UACA: variants seen among roughly 807,000 people sequenced by gnomAD.
The protein encoded by UACA is nuclear membrane binding protein.
UACA carries 112 observed loss-of-function variants against 160.5 expected under a neutral mutation model. The observed-to-expected ratio is 0.70, with a 90% confidence interval of 0.60 to 0.82. The LOEUF (loss-of-function observed/expected upper bound fraction) is 0.82. UACA is among the 40% of genes least tolerant of loss of function. UACA has a pLI of 0.00. For missense variants in UACA, 1,574 were observed against 1,614.6 expected, an observed-to-expected ratio of 0.97 and a Z score of 0.43; for synonymous variants, 557 against 568.4, an observed-to-expected ratio of 0.98 and a Z score of 0.29.
At chr15:70,669,653 T>C (rs894004146) in intron 15 of UACA, among the ~76,000 whole-genome samples, 191 bp from the exon 16 acceptor site, 2 of 152,194 alleles carry the variant, frequency 1.3e-5, no homozygotes, top group African/African-American at 4.8e-5. Flanking sequence ...ATGATTTCCT[T>C]AATACATTCA....
chr15:70,719,620 A>C (rs1031020544), intron 1 of UACA, among the ~76,000 whole-genome samples: 1 of 152,216 alleles, frequency 6.6e-6, no homozygotes, highest in African/African-American at 2.4e-5. Flanking sequence ...ATTCTTCTAG[A>C]TTACCTTTGG....
chr15:70,716,509 C>T (rs1325996355), intron 1 of UACA, among the ~76,000 whole-genome samples: 2 of 152,186 alleles, frequency 1.3e-5, no homozygotes, highest in Admixed American at 6.5e-5. Context: ...AGCCTAGATT[C>T]TCTCCACTAA....
At chr15:70,660,006 G>T (rs1400694772) in intron 18 of UACA, 145 bp downstream of exon 18, 2 of 649,262 alleles carry the variant, frequency 3.1e-6, no homozygotes, top group African/African-American at 1.9e-5. Flanking sequence ...CACAAACAAT[G>T]ATTAAAAGAA....
intron 3 of UACA, among the ~76,000 whole-genome samples, chr15:70,693,258 T>C (rs780180233): frequency 6.6e-6 from 1 of 152,110 alleles, no homozygotes; most frequent in Non-Finnish European, 1.5e-5. Context: ...ATCTAGCCAC[T>C]TGAGATACGG....
At chr15:70,662,873 A>C (rs538622717) in intron 17 of UACA, among the ~76,000 whole-genome samples, 20 of 152,222 alleles carry the variant, frequency 1.3e-4, no homozygotes, top group African/African-American at 4.3e-4. Context: ...AAGATGGATT[A>C]AAGACTTAAA....
rs1260089275 is a variant in UACA at position 70,668,934 on chromosome 15, G to C, written c.1750C>G (p.Leu584Val). ...TGTAATCGCTTATTTTCTTCTATCA[G>C]CTTGCCTTCATCCCTCTTAAACTCT... ...VEEFKRDEGK[L>V]IEENKRLQKE... Residue 584 changes from leucine (L) to valine (V), a missense_variant, in exon 16 of 19, where the codon CTG becomes GTG. Transcript: ENST00000322954. 1.9e-6 allele frequency: 3 copies of C among 1,613,402 alleles called. No individual in the cohort carries two copies. In the African/African-American group the frequency reaches 4.0e-5, roughly 22 times the overall value.
At chr15:70,753,626 C>T (rs769624028) in intron 1 of UACA, among the ~76,000 whole-genome samples, 1 of 152,058 alleles carries the variant, frequency 6.6e-6, no homozygotes, top group African/African-American at 2.4e-5. Context: ...CTTAGGGTTG[C>T]GGTGAGGATT....
chr15:70,748,053 G>A (rs936833571), intron 1 of UACA, among the ~76,000 whole-genome samples: 5 of 151,984 alleles, frequency 3.3e-5, no homozygotes, highest in African/African-American at 1.2e-4. Context: ...CTAGTGCCTG[G>A]CATAGTACTG....
chr15:70,719,584 C>A (rs541163973), intron 1 of UACA, among the ~76,000 whole-genome samples: 1 of 152,300 alleles, frequency 6.6e-6, no homozygotes, highest in African/African-American at 2.4e-5. Context: ...ACCAAAACAT[C>A]ATTCTGTTTG....
intron 1 of UACA, chr15:70,702,202 T>C: frequency 8.7e-7 from 1 of 1,146,862 alleles, no homozygotes; most frequent in Non-Finnish European, 1.1e-6. Flanking sequence ...CTTTGGAAGC[T>C]AGCTATCTTT....
chr15:70,703,925 C>T (rs547393692), intron 1 of UACA, among the ~76,000 whole-genome samples: 1 of 152,254 alleles, frequency 6.6e-6, no homozygotes, highest in Non-Finnish European at 1.5e-5. Flanking sequence ...TCAGAGAGGG[C>T]TTCTCAGACC....
At chr15:70,703,148 G>A (rs998688624) in intron 1 of UACA, 8 of 1,289,024 alleles carry the variant, frequency 6.2e-6, no homozygotes, top group Admixed American at 4.6e-5. Flanking sequence ...TACCAAGGCC[G>A]GTGCAAATTC....
upstream of UACA, among the ~76,000 whole-genome samples, chr15:70,765,099 C>G (rs774459207): frequency 1.6e-4 from 25 of 152,224 alleles, 1 homozygote; most frequent in Middle Eastern, 3.2e-3. Flanking sequence ...ACCCTGTTCT[C>G]TAGCCAACAC....
At chr15:70,752,421 C>T (rs1029375672) in intron 1 of UACA, among the ~76,000 whole-genome samples, 4 of 151,980 alleles carry the variant, frequency 2.6e-5, no homozygotes, top group Admixed American at 6.6e-5. Flanking sequence ...CCTGCTAATG[C>T]GAAAACCATA....
rs200972560 is a variant in UACA at position 70,743,677 on chromosome 15, G to A, written c.78+19653C>T. 1.2e-4 allele frequency among the ~76,000 whole-genome samples: 18 copies of A among 152,208 alleles called. No homozygotes were observed. In the East Asian group the frequency reaches 2.9e-3, roughly 24 times the overall value. On this transcript the variant is annotated intron_variant, in intron 1 of 18. Coordinates refer to ENST00000322954, the MANE Select transcript of UACA (RefSeq NM_018003.4). ...TCTTTTCCTAGTTTAAAATAAAAAG[G>A]ACATGTTTTAACAAAATTGTCATTT... is the stretch of plus-strand genomic sequence containing the variant.
intron 1 of UACA, among the ~76,000 whole-genome samples, chr15:70,699,965 A>C (rs2140967186): frequency 6.6e-6 from 1 of 152,210 alleles, no homozygotes; most frequent in East Asian, 1.9e-4. Flanking sequence ...ATAACTACTG[A>C]ACACCTACCC....
At chr15:70,679,828 T>C (rs1897431417) in intron 9 of UACA, 152 bp from the exon 10 acceptor site, 1 of 432,266 alleles carries the variant, frequency 2.3e-6, no homozygotes, top group Non-Finnish European at 4.1e-6. Flanking sequence ...TATTTAAAAC[T>C]CCAAAATGGA....
chr15:70,702,159 A>T, intron 1 of UACA: 3 of 1,269,630 alleles, frequency 2.4e-6, no homozygotes, highest in Non-Finnish European at 3.0e-6. Flanking sequence ...AGCAGCCCCA[A>T]GTCAGGTACA....
At chr15:70,737,318 G>T (rs1457989261) in intron 1 of UACA, among the ~76,000 whole-genome samples, 1 of 152,188 alleles carries the variant, frequency 6.6e-6, no homozygotes, top group East Asian at 1.9e-4. Context: ...AAGAATAAGA[G>T]ACTGTGTTGT....
Sources: gnomAD v4.1 joint callset for allele counts (sites outside exome capture counted in the v4.1 genomes callset) on GRCh38, gnomAD v4.1.1 for gene constraint, MANE v1.5 for transcripts, NCBI Gene and HGNC (gene_info 2026-07-23, HGNC 2026-07-21) for gene names.